PNPLA8: variants seen among roughly 807,000 people sequenced by gnomAD.
The protein encoded by PNPLA8 is patatin like domain 8, phospholipase A2, also known as calcium-independent phospholipase A2-gamma.
In PNPLA8, 39 loss-of-function variants were observed where a neutral mutation model predicts 76.9. That is an observed-to-expected ratio of 0.51 (90% CI 0.39 to 0.66). The LOEUF is 0.66. Among genes scored for constraint, PNPLA8 ranks in the 30% least tolerant of loss-of-function variants. PNPLA8 has a pLI of 0.00. For synonymous variants in PNPLA8, 301 were observed against 307.9 expected (o/e 0.98, Z 0.24); for missense variants, 887 against 918.0 (o/e 0.97, Z 0.44).
chr7:108,497,813 T>C (rs935591434), intron 5 of PNPLA8, among the ~76,000 whole-genome samples: 2 of 152,014 alleles, frequency 1.3e-5, no homozygotes, highest in Admixed American at 6.5e-5. Context: ...AAAATTTATA[T>C]TAGTATCTCT....
At chr7:108,494,050 T>C (rs1029488826) in intron 7 of PNPLA8, among the ~76,000 whole-genome samples, 3 of 152,012 alleles carry the variant, frequency 2.0e-5, no homozygotes, top group Admixed American at 2.0e-4. Context: ...AGCTGGGACA[T>C]TTGGATTAAC....
chr7:108,474,584 G>A (rs1338686967), intron 10 of PNPLA8, among the ~76,000 whole-genome samples: 1 of 152,172 alleles, frequency 6.6e-6, no homozygotes, highest in Non-Finnish European at 1.5e-5. Context: ...AGCCATGAAC[G>A]ACTGTGATGC....
chr7:108,494,283 G>C (rs1370127851), intron 7 of PNPLA8, among the ~76,000 whole-genome samples: 3 of 152,052 alleles, frequency 2.0e-5, no homozygotes, highest in Non-Finnish European at 4.4e-5. Context: ...GTGTGACACT[G>C]AGGCTTGGGG....
Position 108,470,510 on chromosome 7 carries a change from A to AC in PNPLA8, c.*1890dup, listed in dbSNP as rs1356544259. 6.6e-6 allele frequency: 1 copy of AC among 152,206 alleles called. No homozygotes were observed. Among genetic ancestry groups the AC allele is most frequent in the Non-Finnish European group, 1.5e-5 (1 of 68,034 alleles). 9.4% of individuals were successfully genotyped at this position (152,206 alleles called of 1,614,324 possible). A position where few individuals can be genotyped will look rare whatever the true frequency, so the allele number is the denominator to read the frequency against. On this transcript the variant is annotated 3_prime_UTR_variant, in exon 11 of 11. Transcript: ENST00000257694. Reference sequence around the variant, plus strand: ...ACTTCAGCTGTAAAACAGATGAACTACATCAGTTTAGGACTAGAGTGACCT... The same window carrying AC: ...ACTTCAGCTGTAAAACAGATGAACTACCATCAGTTTAGGACTAGAGTGACCT...
rs772094900 is a variant in PNPLA8 at position 108,514,631 on chromosome 7, A to G, written c.861T>C (p.Ile287=). 1.2e-6 allele frequency: 2 copies of G among 1,613,836 alleles called. No homozygotes were observed. Among genetic ancestry groups the G allele is most frequent in the East Asian group, 2.2e-5 (1 of 44,864 alleles). ...CCGTGGGACGAGAAAGAAAGTTAGC[A>G]ATACTTTGTTTAGTTGAAACTTGAA... is the stretch of plus-strand genomic sequence containing the variant. ...DVLQVSTKQS[I]ANFLSRPTEG... Residue 287 remains isoleucine, a synonymous_variant, in exon 3 of 11, where the codon ATT becomes ATC. Transcript: ENST00000257694.
At position 108,514,871 on chromosome 7, in the gene PNPLA8, T is replaced by C. The variant is rs1459988227; in HGVS notation, c.621A>G (p.Leu207=). ...TGAAATATGAATTAATATGATTTGA[T>C]AAAAAGTAGAATGAGTCTCCAAATT... ...TTKFGDSFYF[L]SNHINSYFKR... Residue 207 remains leucine (L), a synonymous_variant, in exon 3 of 11, where the codon TTA becomes TTG. Transcript: ENST00000257694. 7 of 1,608,702 alleles carry C rather than the reference T, an allele frequency of 4.4e-6. No individual in the cohort carries two copies. The highest frequency in any genetic ancestry group is 6.0e-6 in the Non-Finnish European group (7 of 1,176,292).
At chr7:108,477,385 T>A (rs1448881921) in intron 10 of PNPLA8, among the ~76,000 whole-genome samples, 1 of 152,192 alleles carries the variant, frequency 6.6e-6, no homozygotes, top group Non-Finnish European at 1.5e-5. Context: ...TTTCATTCAA[T>A]GAATAAAAGT....
intron 9 of PNPLA8, 60 bp downstream of exon 9, chr7:108,487,695 TAATA>T: frequency 3.1e-6 from 3 of 969,996 alleles, no homozygotes; most frequent in Non-Finnish European, 4.5e-6. Flanking sequence ...CAATGACATT[TAATA>T]AGTGCTGATT....
At chr7:108,497,786 C>A (rs1861651875) in intron 5 of PNPLA8, among the ~76,000 whole-genome samples, 1 of 151,780 alleles carries the variant, frequency 6.6e-6, no homozygotes. Flanking sequence ...AAAACCTACA[C>A]TAAGGCAGCA....
Position 108,526,112 on chromosome 7 carries a change from A to T in PNPLA8, c.-213T>A. 1.0e-6 allele frequency: 1 copy of T among 985,476 alleles called. No individual in the cohort carries two copies. The highest frequency in any genetic ancestry group is 1.2e-6 in the Non-Finnish European group (1 of 829,830). The allele number at this position is 985,476 out of a possible 1,614,324, so 61.0% of individuals were successfully genotyped here. A position where few individuals can be genotyped will look rare whatever the true frequency, so the allele number is the denominator to read the frequency against. On this transcript the variant is annotated 5_prime_UTR_variant, in exon 1 of 11. Coordinates refer to ENST00000257694, the MANE Select transcript of PNPLA8 (RefSeq NM_001256007.3). ...ACGTCCACTCCAACCGGCCTGCATC[A>T]GCTGAGCTTCCAACACAAACACTGG...
chr7:108,517,686 A>G (rs1444568757), intron 2 of PNPLA8, among the ~76,000 whole-genome samples: 1 of 152,220 alleles, frequency 6.6e-6, no homozygotes, highest in Non-Finnish European at 1.5e-5. Flanking sequence ...AAAAGGCTAC[A>G]TACTGTGTCT....
At chr7:108,483,820 T>C (rs1262508042) in intron 9 of PNPLA8, among the ~76,000 whole-genome samples, 2 of 152,222 alleles carry the variant, frequency 1.3e-5, no homozygotes. Flanking sequence ...CAAGTACAAA[T>C]TTTAACTTAA....
chr7:108,506,459 G>A (rs115856433), intron 4 of PNPLA8, among the ~76,000 whole-genome samples: 3 of 151,968 alleles, frequency 2.0e-5, no homozygotes, highest in African/African-American at 7.3e-5. Context: ...GAATAAATTG[G>A]CACAAGCACT....
At chr7:108,496,182 C>G (rs1436184833) in intron 7 of PNPLA8, among the ~76,000 whole-genome samples, 1 of 151,980 alleles carries the variant, frequency 6.6e-6, no homozygotes, top group Non-Finnish European at 1.5e-5. Context: ...CTGCAGTGAG[C>G]CAAGATAGCA....
In PNPLA8 at chr7:108,515,118, C is replaced by T. The variant is rs745597647; in HGVS notation, c.374G>A (p.Arg125His). 67 of 1,606,190 alleles carry T rather than the reference C, an allele frequency of 4.2e-5. 1 individual carries two copies. The East Asian group carries it at 1.2e-3, about 28-fold the overall frequency. Residue 125 changes from arginine to histidine, a missense_variant, in exon 3 of 11, where the codon CGT becomes CAT. Transcript: ENST00000257694. ...GGAACTTGGCTTAAATTGAGCTAAA[C>T]GTGAAATCATTTCATTTTGATTGCC... ...VFGNQNEMIS[R>H]LAQFKPSSQI...
At chr7:108,492,933 C>G (rs1015823988) in intron 7 of PNPLA8, among the ~76,000 whole-genome samples, 17 of 152,280 alleles carry the variant, frequency 1.1e-4, no homozygotes, top group Non-Finnish European at 1.5e-4. Flanking sequence ...AGTGCTTATG[C>G]ACTGGGGCTT....
At chr7:108,497,999 C>T (rs575421193) in intron 5 of PNPLA8, among the ~76,000 whole-genome samples, 2 of 80,838 alleles carry the variant, frequency 2.5e-5, no homozygotes, top group South Asian at 8.5e-4. Flanking sequence ...CCCATTTCTA[C>T]AGAAAAAAAA....
intron 1 of PNPLA8, 92 bp downstream of exon 1, chr7:108,525,937 G>T: frequency 1.9e-6 from 1 of 527,924 alleles, no homozygotes; most frequent in Non-Finnish European, 2.4e-6. Context: ...GCCCTCCAAA[G>T]AAAGAAAGGA....
Position 108,502,580 on chromosome 7 carries a change from T to C in PNPLA8, c.1269A>G (p.Ala423=). The C allele has an allele frequency of 6.2e-7, 1 of 1,612,178 alleles. No individual in the cohort carries two copies. The change falls in exon 5 of 11, where the codon GCA becomes GCG. Residue 423 remains alanine, a synonymous_variant. Transcript: ENST00000257694. ...RQIKDETLQA[A]VREILALIGY... is the part of the protein sequence containing the mutation. Reference sequence around the variant, plus strand: ...CAATTAGGGCCAAAATTTCTCTAACTGCAGCCTGAAGAGTTTCATCCTTAA... The same window carrying C: ...CAATTAGGGCCAAAATTTCTCTAACCGCAGCCTGAAGAGTTTCATCCTTAA...
Sources: allele counts gnomAD v4.1 joint callset (sites outside exome capture counted in the v4.1 genomes callset), GRCh38; gene constraint gnomAD v4.1.1; transcripts MANE v1.5; gene names NCBI Gene and HGNC (gene_info 2026-07-23, HGNC 2026-07-21).